Variants in CSMD1 observed in about 807,000 individuals in gnomAD.
CSMD1 encodes CUB and Sushi multiple domains 1.
CSMD1 carries 213 observed loss-of-function variants against 417.5 expected under a neutral mutation model. The observed-to-expected ratio is 0.51, with a 90% CI of 0.46 to 0.57. The LOEUF is 0.57. Among genes scored for constraint, CSMD1 ranks in the 20% least tolerant of loss-of-function variants. The probability of loss-of-function intolerance (pLI) is 0.00; values close to 1 mark genes in which losing one functional copy is unlikely to be tolerated. For missense variants in CSMD1, 6,923 were observed against 4,529.7 expected (o/e 1.53, Z -15.17); for synonymous variants, 2,862 against 1,736.8 (o/e 1.65, Z -16.11).
At chr8:3,887,803 C>T (rs559773814) in intron 5 of CSMD1, among the ~76,000 whole-genome samples, 1 of 152,268 alleles carries the variant, frequency 6.6e-6, no homozygotes, top group Non-Finnish European at 1.5e-5. Context: ...AGGCATTTTG[C>T]CTCTGTCTGC....
At chr8:3,227,844 T>G (rs1293278469) in intron 27 of CSMD1, among the ~76,000 whole-genome samples, 1 of 151,888 alleles carries the variant, frequency 6.6e-6, no homozygotes, top group Non-Finnish European at 1.5e-5. Context: ...CTTGGCTCAC[T>G]GCAACTTCTA....
chr8:4,628,692 A>G (rs1357809501), intron 2 of CSMD1, among the ~76,000 whole-genome samples: 1 of 152,118 alleles, frequency 6.6e-6, no homozygotes, highest in Non-Finnish European at 1.5e-5. Flanking sequence ...CAGTATTTTT[A>G]CCTTGGTTAA....
chr8:4,615,789 C>G (rs1424127189), intron 2 of CSMD1, among the ~76,000 whole-genome samples: 3 of 152,272 alleles, frequency 2.0e-5, no homozygotes, highest in East Asian at 3.9e-4. Flanking sequence ...CAATACTTAA[C>G]ACATGACTAT....
At chr8:3,999,741 G>A (rs940548200) in intron 4 of CSMD1, among the ~76,000 whole-genome samples, 1 of 152,132 alleles carries the variant, frequency 6.6e-6, no homozygotes, top group African/African-American at 2.4e-5. Context: ...GGACGTCTTT[G>A]AGAGGTACAC....
intron 3 of CSMD1, among the ~76,000 whole-genome samples, chr8:4,319,565 G>C (rs1462432253): frequency 4.5e-4 from 69 of 152,130 alleles, no homozygotes; most frequent in Admixed American, 4.5e-3. Context: ...AACATTAATT[G>C]TTGGCTGTTG....
intron 3 of CSMD1, 89 bp downstream of exon 3, chr8:4,419,864 C>T: frequency 1.1e-6 from 1 of 900,648 alleles, no homozygotes; most frequent in Non-Finnish European, 1.8e-6. Flanking sequence ...TGCGACATAG[C>T]AGCCTAGTTT....
chr8:4,186,131 T>G (rs17069260), intron 3 of CSMD1, among the ~76,000 whole-genome samples: 8,933 of 152,160 alleles, frequency 0.059, 372 homozygotes, highest in African/African-American at 0.11. Context: ...CACCAACGAT[T>G]TGGCATCCAG....
At chr8:3,568,565 C>G (rs1165151071) in intron 10 of CSMD1, among the ~76,000 whole-genome samples, 1 of 152,028 alleles carries the variant, frequency 6.6e-6, no homozygotes, top group Admixed American at 6.6e-5. Flanking sequence ...AATTATGTCA[C>G]CACAGAATGT....
chr8:4,356,427 T>TA (rs1801437003), intron 3 of CSMD1, among the ~76,000 whole-genome samples: 1 of 152,214 alleles, frequency 6.6e-6, no homozygotes. Flanking sequence ...TGTGCTACTA[T>TA]AAACATGCAT....
chr8:2,949,440 T>C (rs1008282390), intron 67 of CSMD1, 54 bp from the exon 68 acceptor site: 4 of 825,972 alleles, frequency 4.8e-6, no homozygotes, highest in Non-Finnish European at 7.8e-6. Flanking sequence ...AAGGGATGAA[T>C]AATATCCTCT....
At chr8:3,699,637 T>C (rs567836325) in intron 7 of CSMD1, among the ~76,000 whole-genome samples, 1 of 152,324 alleles carries the variant, frequency 6.6e-6, no homozygotes, top group African/African-American at 2.4e-5. Context: ...TTACTACCGT[T>C]ATGACAGCAC....
chr8:3,975,950 A>G (rs1031894565), intron 5 of CSMD1, among the ~76,000 whole-genome samples: 2 of 152,132 alleles, frequency 1.3e-5, no homozygotes, highest in African/African-American at 4.8e-5. Context: ...TTTATCTATC[A>G]GTTTTTAACA....
At chr8:3,647,446 G>C (rs1349984832) in intron 7 of CSMD1, among the ~76,000 whole-genome samples, 2 of 152,042 alleles carry the variant, frequency 1.3e-5, no homozygotes, top group Non-Finnish European at 2.9e-5. Context: ...ACAGTACATA[G>C]AGAAATACAG....
At chr8:4,442,409 C>T (rs1051134666) in intron 2 of CSMD1, among the ~76,000 whole-genome samples, 1 of 152,156 alleles carries the variant, frequency 6.6e-6, no homozygotes, top group Admixed American at 6.5e-5. Flanking sequence ...TTCCAGTCCC[C>T]ACTGTATATA....
intron 6 of CSMD1, among the ~76,000 whole-genome samples, chr8:3,738,932 C>A (rs34340679): frequency 0.33 from 50,236 of 152,102 alleles, 8,490 homozygotes; most frequent in Admixed American, 0.37. Context: ...TCTGTCCTTG[C>A]TGAATGCGCA....
chr8:4,630,752 G>C (rs1484558208), intron 2 of CSMD1, among the ~76,000 whole-genome samples: 1 of 152,092 alleles, frequency 6.6e-6, no homozygotes, highest in Non-Finnish European at 1.5e-5. Flanking sequence ...GTTGAACCAG[G>C]TTTCTAAGCA....
intron 1 of CSMD1, among the ~76,000 whole-genome samples, chr8:4,938,848 C>G (rs10100150): frequency 0.24 from 36,421 of 151,932 alleles, 4,519 homozygotes; most frequent in East Asian, 0.38. Flanking sequence ...ACAGGTGTAA[C>G]GTGATGTTAC....
chr8:4,576,569 G>C (rs898348501), intron 2 of CSMD1, among the ~76,000 whole-genome samples: 2 of 152,216 alleles, frequency 1.3e-5, no homozygotes, highest in South Asian at 2.1e-4. Context: ...GCAGGGGGTG[G>C]GGTGTGGCGT....
chr8:3,953,336 A>T (rs539329307), intron 5 of CSMD1, among the ~76,000 whole-genome samples: 1 of 152,196 alleles, frequency 6.6e-6, no homozygotes, highest in African/African-American at 2.4e-5. Flanking sequence ...TATTTTACAT[A>T]GTATGTATAA....
Sources: allele counts gnomAD v4.1 joint callset (sites outside exome capture counted in the v4.1 genomes callset), GRCh38; gene constraint gnomAD v4.1.1; transcripts MANE v1.5; gene names NCBI Gene and HGNC (gene_info 2026-07-23, HGNC 2026-07-21).